TNFRSF21: variants seen among roughly 807,000 people sequenced by gnomAD.
The protein encoded by TNFRSF21 is TNF receptor superfamily member 21.
Under a neutral mutation model 45.6 loss-of-function variants are expected in TNFRSF21, and 19 were observed. That is an observed-to-expected ratio of 0.42 (90% CI 0.29 to 0.61). The LOEUF is 0.61. TNFRSF21 is among the 20% of genes least tolerant of loss of function. TNFRSF21 has a pLI of 0.23. For missense variants in TNFRSF21, 737 were observed against 851.5 expected (o/e 0.87, Z 1.67); for synonymous variants, 314 against 335.5 (o/e 0.94, Z 0.70).
intron 1 of TNFRSF21, among the ~76,000 whole-genome samples, chr6:47,307,366 G>C (rs1176218750): frequency 6.6e-6 from 1 of 152,114 alleles, no homozygotes; most frequent in Non-Finnish European, 1.5e-5. Flanking sequence ...GGTAGGTTGA[G>C]TTTGATGACT....
intron 4 of TNFRSF21, among the ~76,000 whole-genome samples, chr6:47,239,167 T>C (rs761806908): frequency 2.6e-5 from 4 of 151,108 alleles, no homozygotes; most frequent in Non-Finnish European, 5.9e-5. Context: ...ATGCCTGTAA[T>C]CCCAGCTGCT....
chr6:47,302,403 G>A (rs1178120623), intron 1 of TNFRSF21, among the ~76,000 whole-genome samples: 1 of 152,168 alleles, frequency 6.6e-6, no homozygotes, highest in African/African-American at 2.4e-5. Flanking sequence ...AAACTACATT[G>A]CTAAGCAGAA....
At chr6:47,289,307 C>T (rs760447952) in intron 1 of TNFRSF21, among the ~76,000 whole-genome samples, 16 of 152,146 alleles carry the variant, frequency 1.1e-4, no homozygotes, top group Non-Finnish European at 1.9e-4. Context: ...ATTCAAGGTT[C>T]AATTCTCTCC....
chr6:47,245,197 C>T (rs1764805867), intron 4 of TNFRSF21, among the ~76,000 whole-genome samples: 1 of 152,142 alleles, frequency 6.6e-6, no homozygotes, highest in Non-Finnish European at 1.5e-5. Flanking sequence ...CCACTTCCAT[C>T]CCTCTGTATA....
chr6:47,303,804 GA>G (rs1364417487), intron 1 of TNFRSF21, among the ~76,000 whole-genome samples: 2 of 152,300 alleles, frequency 1.3e-5, no homozygotes, highest in East Asian at 1.9e-4. Context: ...TTTGGTATTT[GA>G]CAAACACAAA....
chr6:47,253,235 A>G (rs1399624060), intron 4 of TNFRSF21, 21 bp downstream of exon 4: 2 of 1,607,522 alleles, frequency 1.2e-6, no homozygotes, highest in South Asian at 1.1e-5. Context: ...TGGTAATGAC[A>G]CACAACAAGG....
At chr6:47,281,335 T>A (rs1411638825) in intron 3 of TNFRSF21, among the ~76,000 whole-genome samples, 1 of 149,858 alleles carries the variant, frequency 6.7e-6, no homozygotes, top group Non-Finnish European at 1.5e-5. Context: ...ATATAATATA[T>A]AATAAGCTAT....
At chr6:47,238,105 ATGT>A (rs1445644645) in intron 4 of TNFRSF21, among the ~76,000 whole-genome samples, 1 of 152,228 alleles carries the variant, frequency 6.6e-6, no homozygotes, top group African/African-American at 2.4e-5. Flanking sequence ...AAATCAATAA[ATGT>A]TGTTTTTAAA....
chr6:47,253,236 CACA>C lies in TNFRSF21; in HGVS notation c.1509+17_1509+19del. On this transcript the variant is annotated intron_variant, in intron 4 of 5. Coordinates refer to ENST00000296861, the MANE Select transcript of TNFRSF21 (RefSeq NM_014452.5). ...GGGCAATAGGTCGGTGGTAATGACA[CACA>C]ACAAGGGCTCCATTACCTGGGTGGT... is the stretch of plus-strand genomic sequence containing the variant. 7 of 1,607,676 alleles carry C rather than the reference CACA, an allele frequency of 4.4e-6. No individual in the cohort carries two copies. The highest frequency in any genetic ancestry group is 6.0e-6 in the Non-Finnish European group (7 of 1,175,522).
chr6:47,285,877 C>G, intron 2 of TNFRSF21, 67 bp downstream of exon 2: 1 of 1,532,354 alleles, frequency 6.5e-7, no homozygotes. Flanking sequence ...TTGGTATAAG[C>G]CCACTCTTGG....
intron 3 of TNFRSF21, among the ~76,000 whole-genome samples, chr6:47,271,372 A>G (rs945271569): frequency 2.6e-5 from 4 of 152,238 alleles, no homozygotes; most frequent in African/African-American, 9.6e-5. Flanking sequence ...ACATTCTTAA[A>G]GAAAATAATT....
chr6:47,286,037 T>C lies in TNFRSF21; in HGVS notation c.655A>G (p.Ser219Gly). The C allele has an allele frequency of 6.2e-7, 1 of 1,614,186 alleles. No individual in the cohort carries two copies. Among genetic ancestry groups the C allele is most frequent in the Non-Finnish European group, 8.5e-7 (1 of 1,180,028 alleles). The change falls in exon 2 of 6, where the codon AGC (serine) becomes GGC (glycine). Residue 219 changes from serine to glycine, a missense_variant. By Grantham distance (56) the Ser-to-Gly change is moderately conservative. Coordinates refer to ENST00000296861, the MANE Select transcript of TNFRSF21 (RefSeq NM_014452.5). ...NVCGTLPSFS[S>G]STSPSPGTAI... ...GTGCCAGGGGAAGGTGAGGTGGAGC[T>C]GGAGAAGGACGGGAGTGTGCCACAG...
At chr6:47,247,910 G>A (rs531454220) in intron 4 of TNFRSF21, among the ~76,000 whole-genome samples, 3 of 152,212 alleles carry the variant, frequency 2.0e-5, no homozygotes, top group South Asian at 2.1e-4. Flanking sequence ...AAACATTGGC[G>A]GTGGGTCCAC....
At chr6:47,239,232 G>T (rs535176655) in intron 4 of TNFRSF21, among the ~76,000 whole-genome samples, 2 of 146,730 alleles carry the variant, frequency 1.4e-5, no homozygotes, top group African/African-American at 5.1e-5. Context: ...GTTGCAGTGA[G>T]GCGAGATCAC....
rs748897793 is a variant in TNFRSF21, at chr6:47,232,848, A to G, written c.1885T>C (p.Phe629Leu). ...TGGCTCTTGACTCCAATAATTTCGA[A>G]TAGCCGGTCTAGTTTGTCCTCAGCC... ...PQAEDKLDRL[F>L]EIIGVKSQEA... is the part of the protein sequence containing the mutation. The change falls in exon 6 of 6, where the codon TTC becomes CTC. Residue 629 changes from phenylalanine (F) to leucine (L), a missense_variant. Transcript: ENST00000296861. 7 of 1,614,010 alleles carry G rather than the reference A, an allele frequency of 4.3e-6. No homozygotes were observed.
intron 2 of TNFRSF21, among the ~76,000 whole-genome samples, chr6:47,284,846 A>C (rs2113863887): frequency 1.3e-5 from 2 of 152,342 alleles, no homozygotes; most frequent in Middle Eastern, 6.8e-3. Flanking sequence ...TTTATGATGC[A>C]GTGGTAAAAC....
chr6:47,285,811 A>G lies in TNFRSF21; in HGVS notation c.748+133T>C, dbSNP rs1582350616. The G allele has an allele frequency of 4.0e-6, 4 of 991,600 alleles. No homozygotes were observed. In the East Asian group the frequency reaches 1.0e-4, roughly 26 times the overall value. The allele number at this position is 991,600 out of a possible 1,614,324, so 61.4% of individuals were successfully genotyped here. A position where few individuals can be genotyped will look rare whatever the true frequency, so the allele number is the denominator to read the frequency against. ...AAAGCCAGATTTAATTAGCCACCAT[A>G]TGAAGGCCTCTCTCCAAGGGGTGAC... On this transcript the variant is annotated intron_variant, in intron 2 of 5. Coordinates refer to ENST00000296861, the MANE Select transcript of TNFRSF21 (RefSeq NM_014452.5).
intron 3 of TNFRSF21, among the ~76,000 whole-genome samples, chr6:47,265,211 C>A (rs1762314717): frequency 6.6e-6 from 1 of 152,146 alleles, no homozygotes; most frequent in Admixed American, 6.5e-5. Flanking sequence ...GGGTGTCTGG[C>A]TTTAGAATTT....
chr6:47,274,307 G>C (rs1283402722), intron 3 of TNFRSF21, among the ~76,000 whole-genome samples: 1 of 152,098 alleles, frequency 6.6e-6, no homozygotes, highest in Non-Finnish European at 1.5e-5. Context: ...CAATGGAACA[G>C]AACACAGGCC....
Sources: allele counts gnomAD v4.1 joint callset (sites outside exome capture counted in the v4.1 genomes callset), GRCh38; gene constraint gnomAD v4.1.1; transcripts MANE v1.5; gene names NCBI Gene and HGNC (gene_info 2026-07-23, HGNC 2026-07-21).